LIN9: variants seen among roughly 807,000 people sequenced by gnomAD.
LIN9 encodes lin-9 DREAM MuvB core complex component.
LIN9 carries 18 observed loss-of-function variants against 78.0 expected under a neutral mutation model. The ratio of observed to expected loss-of-function variants is 0.23; its 90% CI spans 0.16 to 0.34. LIN9 has a LOEUF of 0.34. Among genes scored for constraint, LIN9 ranks in the 10% least tolerant of loss-of-function variants. The probability of loss-of-function intolerance (pLI) is 1.00; values close to 1 mark genes in which losing one functional copy is unlikely to be tolerated. For synonymous variants in LIN9, 192 were observed against 215.2 expected (o/e 0.89, Z 0.94); for missense variants, 451 against 644.1 (o/e 0.70, Z 3.25).
chr1:226,239,394 C>T lies in LIN9; in HGVS notation c.1120-298G>A, dbSNP rs143086896. Among the ~76,000 whole-genome samples, 14 of 152,278 alleles carry T rather than the reference C, an allele frequency of 9.2e-5. No individual in the cohort carries two copies. The East Asian group carries it at 2.1e-3, about 23-fold the overall frequency. On this transcript the variant is annotated intron_variant, in intron 11 of 14. Transcript: ENST00000681046. ...ATGTGTAAGCAATGTTCGTTATATT[C>T]GTCTTTCAACTTTTTCATAGGATTG...
chr1:226,277,236 A>G (rs1452440881), intron 7 of LIN9, among the ~76,000 whole-genome samples: 6 of 151,126 alleles, frequency 4.0e-5, no homozygotes, highest in Non-Finnish European at 8.9e-5. Context: ...AAAAAAAAAA[A>G]CTTTAAAATA....
chr1:226,293,352 T>C (rs925412588), intron 4 of LIN9, among the ~76,000 whole-genome samples: 4 of 152,206 alleles, frequency 2.6e-5, no homozygotes, highest in African/African-American at 9.6e-5. Context: ...AGGAAGGCAG[T>C]GGATAGAGTT....
At chr1:226,239,317 AAGG>A (rs1657947325) in intron 11 of LIN9, among the ~76,000 whole-genome samples, 1 of 152,192 alleles carries the variant, frequency 6.6e-6, no homozygotes. Context: ...CTTTTTTGAA[AAGG>A]AGATCTTCTA....
chr1:226,277,902 T>A lies in LIN9; in HGVS notation c.555A>T (p.Arg185Ser). The A allele has an allele frequency of 6.2e-7, 1 of 1,612,948 alleles. No individual in the cohort carries two copies. Among genetic ancestry groups the A allele is most frequent in the Non-Finnish European group, 8.5e-7 (1 of 1,179,626 alleles). The change falls in exon 7 of 15, where the codon AGA becomes AGT. Residue 185 changes from arginine to serine, a missense_variant. Physicochemically the swap from Arg to Ser is moderately radical, Grantham distance 110. Coordinates refer to ENST00000681046, the MANE Select transcript of LIN9 (RefSeq NM_001366245.2). ...TCTGCCGTTTCTGTTTTAATGCTGATCTCTCTTCCTCAAAAAATGCAGAAG... is the reference window on the plus strand; with the variant it reads ...TCTGCCGTTTCTGTTTTAATGCTGAACTCTCTTCCTCAAAAAATGCAGAAG... ...RCSSAFFEEE[R>S]SALKQKRQKI...
intron 12 of LIN9, among the ~76,000 whole-genome samples, chr1:226,235,322 C>CAAAAAAA (rs375690849): frequency 5.0e-5 from 3 of 59,674 alleles, no homozygotes; most frequent in Non-Finnish European, 6.2e-5. Flanking sequence ...AAATCCGTCT[C>CAAAAAAA]AAAAAAAAAA....
chr1:226,232,598 T>C lies in LIN9; in HGVS notation c.1532A>G (p.Gln511Arg), dbSNP rs750821337. 6.9e-6 allele frequency: 11 copies of C among 1,594,740 alleles called. No homozygotes were observed. The highest frequency in any genetic ancestry group is 2.2e-5 in the East Asian group (1 of 44,628). Reference sequence around the variant, plus strand: ...TGCAACATGGATTTCTACATTATTCTGAAAGCAACTAAAGAAAGAAGAAAC... The same window carrying C: ...TGCAACATGGATTTCTACATTATTCCGAAAGCAACTAAAGAAAGAAGAAAC... ...TIDASNISCFQNNVEIHVAHI... is the reference protein window; with the variant it reads ...TIDASNISCFRNNVEIHVAHI... Residue 511 changes from glutamine to arginine, a missense_variant, in exon 15 of 15, where the codon CAG (glutamine) becomes CGG (arginine). Coordinates refer to ENST00000681046, the MANE Select transcript of LIN9 (RefSeq NM_001366245.2).
At chr1:226,292,069 G>A (rs1425175561) in intron 4 of LIN9, among the ~76,000 whole-genome samples, 1 of 152,098 alleles carries the variant, frequency 6.6e-6, no homozygotes, top group African/African-American at 2.4e-5. Flanking sequence ...TTTAAATAGG[G>A]TATATAGGGT....
intron 1 of LIN9, among the ~76,000 whole-genome samples, chr1:226,304,364 T>C (rs1466606746): frequency 3.3e-5 from 5 of 152,016 alleles, no homozygotes; most frequent in Admixed American, 3.3e-4. Flanking sequence ...CCATCTGATG[T>C]GGAAAAAAAA....
chr1:226,308,101 T>C (rs1663033184), intron 1 of LIN9, among the ~76,000 whole-genome samples: 1 of 152,236 alleles, frequency 6.6e-6, no homozygotes, highest in South Asian at 2.1e-4. Context: ...GATTCAATAG[T>C]AATTGAGCCT....
chr1:226,288,849 A>G (rs1661545437), intron 4 of LIN9, among the ~76,000 whole-genome samples: 1 of 152,254 alleles, frequency 6.6e-6, no homozygotes, highest in Non-Finnish European at 1.5e-5. Context: ...TTATAATATT[A>G]GTCCAATCCC....
Position 226,291,717 on chromosome 1 carries a change from A to G in LIN9, c.265-3920T>C, listed in dbSNP as rs902432259. On this transcript the variant is annotated intron_variant, in intron 4 of 14. Coordinates refer to ENST00000681046, the MANE Select transcript of LIN9 (RefSeq NM_001366245.2). ...TGCCCTTCACCTGGCTTTCCCTAAC[A>G]TCAATATCTTATAGTAACTTTGGTA... is the stretch of plus-strand genomic sequence containing the variant. Among the ~76,000 whole-genome samples, 3 of 152,130 alleles carry G rather than the reference A, an allele frequency of 2.0e-5. No homozygotes were observed. In the South Asian group the frequency reaches 6.2e-4, roughly 31 times the overall value.
chr1:226,307,160 TA>T (rs1662968103), intron 1 of LIN9, among the ~76,000 whole-genome samples: 1 of 152,234 alleles, frequency 6.6e-6, no homozygotes, highest in African/African-American at 2.4e-5. Flanking sequence ...GAAAGCCACT[TA>T]AAATGCCTCT....
In LIN9 at chr1:226,289,842, G is replaced by GT. The variant is rs1317638106; in HGVS notation, c.265-2046_265-2045insA. ...ACAACTAAGTAGTCCTCCGGGGGGG[G>GT]GGGTGGGGGGGGGTGGGAAAGCTAG... On this transcript the variant is annotated intron_variant, in intron 4 of 14. Coordinates refer to ENST00000681046, the MANE Select transcript of LIN9 (RefSeq NM_001366245.2). Among the ~76,000 whole-genome samples the GT allele has an allele frequency of 1.5e-4, 10 of 66,130 alleles. 2 individuals carry two copies. Among genetic ancestry groups the GT allele is most frequent in the South Asian group, 1.3e-3 (2 of 1,498 alleles). 43.4% of individuals were successfully genotyped at this position (66,130 alleles called of 152,430 possible).
At position 226,265,636 on chromosome 1, in the gene LIN9, T is replaced by C; in HGVS notation, c.937-2A>G. ...CTGTCCTAATAAAGGATCATTATCC[T>C]ATGGGAATAAAAAGGAATTATTTAA... On this transcript the variant is annotated splice_acceptor_variant, in intron 9 of 14. Coordinates refer to ENST00000681046, the MANE Select transcript of LIN9 (RefSeq NM_001366245.2). LOFTEE classifies it high-confidence loss of function. The surrounding 1 kb of genome is among the most constrained non-coding windows in gnomAD (Gnocchi z 4.1). The C allele has an allele frequency of 6.7e-7, 1 of 1,501,052 alleles. No homozygotes were observed. Among genetic ancestry groups the C allele is most frequent in the Non-Finnish European group, 9.2e-7 (1 of 1,081,626 alleles). 93.0% of individuals were successfully genotyped at this position (1,501,052 alleles called of 1,614,324 possible).
In LIN9 at chr1:226,233,199, G is replaced by A. The variant is rs369829911; in HGVS notation, c.1426-6C>T. Reference sequence around the variant, plus strand: ...TCTCCTCCTTCTGCTAGACACTAAAGGGAAAAAAATTTCAAAATTTAATTG... The same window carrying A: ...TCTCCTCCTTCTGCTAGACACTAAAAGGAAAAAAATTTCAAAATTTAATTG... On this transcript the variant is annotated splice_region_variant and splice_polypyrimidine_tract_variant and intron_variant, in intron 13 of 14. Coordinates refer to ENST00000681046, the MANE Select transcript of LIN9 (RefSeq NM_001366245.2). 2.6e-5 allele frequency: 42 copies of A among 1,589,992 alleles called. No individual in the cohort carries two copies. The highest frequency in any genetic ancestry group is 3.7e-5 in the Admixed American group (2 of 54,792).
Position 226,287,759 on chromosome 1 carries a change from A to T in LIN9, c.303T>A (p.Ala101=), listed in dbSNP as rs777395505. The change falls in exon 5 of 15, where the codon GCT becomes GCA. Residue 101 remains alanine (A), a synonymous_variant. Coordinates refer to ENST00000681046, the MANE Select transcript of LIN9 (RefSeq NM_001366245.2). ...TATMSTPDKK[A]SQKIGFRLRN... ...GTAATCGAAAACCAATCTTCTGTGA[A>T]GCTTTCTTATCTGGTGTTGACATTG... 6.4e-7 allele frequency: 1 copy of T among 1,553,422 alleles called. No homozygotes were observed. Among genetic ancestry groups the T allele is most frequent in the African/African-American group, 1.4e-5 (1 of 69,786 alleles).
At chr1:226,284,771 T>C (rs1172371912) in intron 6 of LIN9, among the ~76,000 whole-genome samples, 5 of 152,182 alleles carry the variant, frequency 3.3e-5, no homozygotes, top group African/African-American at 1.2e-4. Flanking sequence ...GGGACTGATT[T>C]TAACTTATAG....
chr1:226,275,759 TG>T (rs755223979), intron 7 of LIN9, among the ~76,000 whole-genome samples: 41 of 150,472 alleles, frequency 2.7e-4, no homozygotes, highest in Non-Finnish European at 5.3e-4. Flanking sequence ...GGCTCACGCC[TG>T]TAATCCCAAC....
chr1:226,290,434 G>A (rs1289945172), intron 4 of LIN9, among the ~76,000 whole-genome samples: 7 of 150,424 alleles, frequency 4.7e-5, no homozygotes, highest in African/African-American at 7.3e-5. Flanking sequence ...TCCACCTCCC[G>A]GGTTCACGCC....
Sources: gnomAD v4.1 joint callset for allele counts (sites outside exome capture counted in the v4.1 genomes callset) on GRCh38, gnomAD v4.1.1 for gene constraint, Gnocchi (gnomAD v3.1) non-coding constraint, MANE v1.5 for transcripts, NCBI Gene and HGNC (gene_info 2026-07-23, HGNC 2026-07-21) for gene names.